Variants in HERC1 observed in about 807,000 individuals in gnomAD.
The protein encoded by HERC1 is probable E3 ubiquitin-protein ligase HERC1.
In HERC1, 160 loss-of-function variants were observed where a neutral mutation model predicts 554.3. The observed-to-expected ratio is 0.29, with a 90% CI of 0.25 to 0.33. The LOEUF (loss-of-function observed/expected upper bound fraction) is 0.33, where lower values mean the gene tolerates loss of function less well. Ranked by LOEUF, HERC1 falls within the 10% of genes least tolerant of loss-of-function variation. HERC1 has a pLI of 1.00. For missense variants in HERC1, 4,919 were observed against 5,918.5 expected, an observed-to-expected ratio of 0.83 and a Z score of 5.54; for synonymous variants, 2,175 against 2,131.7, an observed-to-expected ratio of 1.02 and a Z score of -0.56.
At chr15:63,809,869 A>T (rs1381139484) in intron 1 of HERC1, among the ~76,000 whole-genome samples, 2 of 152,152 alleles carry the variant, frequency 1.3e-5, no homozygotes, top group East Asian at 3.9e-4. Flanking sequence ...AAATAGAGAT[A>T]AGGTCTCACT....
At chr15:63,630,696 A>T in intron 68 of HERC1, 61 bp from the exon 69 acceptor site, 1 of 1,501,696 alleles carries the variant, frequency 6.7e-7, no homozygotes, top group South Asian at 1.3e-5. Context: ...CAGTGCTTTT[A>T]TATTTTCTGA....
intron 25 of HERC1, among the ~76,000 whole-genome samples, chr15:63,703,318 CACTGTCAA>C (rs1373205901): frequency 6.6e-6 from 1 of 152,156 alleles, no homozygotes. Flanking sequence ...TTAGTATCCC[CACTGTCAA>C]ATACTGAGAT....
chr15:63,733,145 T>G lies in HERC1; in HGVS notation c.2647A>C (p.Arg883=). The change falls in exon 14 of 78, where the codon AGA becomes CGA. Residue 883 remains arginine, a splice_region_variant and synonymous_variant. Transcript: ENST00000443617. ...DRWESLSKGQ[R]MQLDIILTSL... ...GTCAGGATGATATCCAGTTGCATTCTCTAAAGAACAATAAAATAGGAACAA... is the reference window on the plus strand; with the variant it reads ...GTCAGGATGATATCCAGTTGCATTCGCTAAAGAACAATAAAATAGGAACAA... The G allele has an allele frequency of 6.2e-7, 1 of 1,600,386 alleles. No homozygotes were observed.
intron 2 of HERC1, among the ~76,000 whole-genome samples, chr15:63,773,304 C>A (rs914546180): frequency 4.0e-5 from 6 of 151,668 alleles, no homozygotes; most frequent in Non-Finnish European, 5.9e-5. Flanking sequence ...ATTAGCCGGG[C>A]ATGCTAGTGC....
At chr15:63,654,420 G>T in intron 50 of HERC1, 96 bp from the exon 51 acceptor site, 1 of 946,368 alleles carries the variant, frequency 1.1e-6, no homozygotes, top group Non-Finnish European at 1.6e-6. Flanking sequence ...AGATTTGGTG[G>T]TGGTGAACAA....
rs1423344750 is a variant in HERC1 at position 63,666,449 on chromosome 15, G to A, written c.8230C>T (p.Leu2744Phe). 1 of 1,613,026 alleles carries A rather than the reference G, an allele frequency of 6.2e-7. No individual in the cohort carries two copies. The highest frequency in any genetic ancestry group is 1.7e-5 in the Admixed American group (1 of 59,900). Residue 2744 changes from leucine (L) to phenylalanine (F), a missense_variant, in exon 41 of 78, where the codon CTT (leucine) becomes TTT (phenylalanine). By Grantham distance (22) the Leu-to-Phe change is conservative (BLOSUM62 0). Around this residue, in one of 11 missense-constraint regions of HERC1, gnomAD observed 1,963 missense variants for 2,228.6 expected, o/e 0.88. Transcript: ENST00000443617. Reference sequence around the variant, plus strand: ...GCTGGAGGAGGAGGAGAAGTTGAAAGTCTACTGCTTGGGTCTGACAAGGCT... The same window carrying A: ...GCTGGAGGAGGAGGAGAAGTTGAAAATCTACTGCTTGGGTCTGACAAGGCT... ...RTALSDPSSR[L>F]STSPPPPAIA...
chr15:63,742,820 C>T (rs1481558401), intron 12 of HERC1, among the ~76,000 whole-genome samples: 2 of 152,078 alleles, frequency 1.3e-5, no homozygotes, highest in African/African-American at 4.8e-5. Context: ...TCATGGGGTA[C>T]AATCTTTTAG....
intron 6 of HERC1, 142 bp downstream of exon 6, chr15:63,755,087 A>G: frequency 1.6e-6 from 1 of 637,226 alleles, no homozygotes; most frequent in Non-Finnish European, 2.8e-6. Context: ...GGTCTTATCT[A>G]TATAAAATTA....
intron 36 of HERC1, among the ~76,000 whole-genome samples, chr15:63,679,210 A>G (rs2071353319): frequency 6.6e-6 from 1 of 152,226 alleles, no homozygotes; most frequent in Admixed American, 6.5e-5. Context: ...CTGCAAACCT[A>G]CATAGGGCAA....
In HERC1 at chr15:63,672,684, T is replaced by C; in HGVS notation, c.7857A>G (p.Gln2619=). The change falls in exon 39 of 78, where the codon CAA becomes CAG. Residue 2619 remains glutamine (Q), a synonymous_variant. Coordinates refer to ENST00000443617, the MANE Select transcript of HERC1 (RefSeq NM_003922.4). Reference sequence around the variant, plus strand: ...GGGCAGGGTCACTTTCTTCAGCTTGTTGATCAATCTCTAGAAACCAAAAAA... The same window carrying C: ...GGGCAGGGTCACTTTCTTCAGCTTGCTGATCAATCTCTAGAAACCAAAAAA... ...FGGKIKQEID[Q]QAEESDPAQQ... 3 of 1,601,764 alleles carry C rather than the reference T, an allele frequency of 1.9e-6. No homozygotes were observed. The highest frequency in any genetic ancestry group is 1.1e-5 in the South Asian group (1 of 88,884).
At chr15:63,695,451 T>G (rs937307750) in intron 27 of HERC1, among the ~76,000 whole-genome samples, 1 of 149,612 alleles carries the variant, frequency 6.7e-6, no homozygotes, top group Non-Finnish European at 1.5e-5. Context: ...AGTGGGGTGA[T>G]CTTCGCTCAC....
chr15:63,711,086 C>A (rs1297731136), intron 24 of HERC1, among the ~76,000 whole-genome samples: 2 of 152,178 alleles, frequency 1.3e-5, no homozygotes, highest in African/African-American at 4.8e-5. Flanking sequence ...GTAATCCCAA[C>A]ACTTTGGGAG....
chr15:63,743,842 A>ATTT (rs2074926871), intron 12 of HERC1, among the ~76,000 whole-genome samples: 1 of 152,106 alleles, frequency 6.6e-6, no homozygotes, highest in Non-Finnish European at 1.5e-5. Flanking sequence ...TCATTTGGTT[A>ATTT]GGTCATGGAT....
At chr15:63,762,717 TAGAA>T (rs1158768369) in intron 3 of HERC1, among the ~76,000 whole-genome samples, 1 of 152,172 alleles carries the variant, frequency 6.6e-6, no homozygotes, top group South Asian at 2.1e-4. Context: ...AAAGAGCAGA[TAGAA>T]AGAATCAAGC....
At chr15:63,716,150 C>A (rs576420751) in intron 22 of HERC1, among the ~76,000 whole-genome samples, 152 bp downstream of exon 22, 1 of 152,232 alleles carries the variant, frequency 6.6e-6, no homozygotes, top group African/African-American at 2.4e-5. Flanking sequence ...TTGTAGGAGC[C>A]CCTGTCAGCT....
chr15:63,655,210 C>T (rs530644237), intron 50 of HERC1, among the ~76,000 whole-genome samples: 2 of 151,372 alleles, frequency 1.3e-5, no homozygotes, highest in East Asian at 2.0e-4. Flanking sequence ...AAAAATTAGC[C>T]GGGCATGGTG....
chr15:63,739,604 C>T (rs772341461), intron 12 of HERC1, among the ~76,000 whole-genome samples: 8 of 151,760 alleles, frequency 5.3e-5, no homozygotes, highest in African/African-American at 1.2e-4. Flanking sequence ...TTTGGGAGGT[C>T]GAGGCAGGCA....
chr15:63,610,045 C>A (rs1291196846), intron 77 of HERC1, among the ~76,000 whole-genome samples: 1 of 152,130 alleles, frequency 6.6e-6, no homozygotes, highest in African/African-American at 2.4e-5. Flanking sequence ...TTCCCTATCC[C>A]TCCTTGCAAA....
intron 74 of HERC1, among the ~76,000 whole-genome samples, chr15:63,621,173 T>C (rs1248246287): frequency 6.6e-6 from 1 of 152,276 alleles, no homozygotes; most frequent in Admixed American, 6.5e-5. Flanking sequence ...TCAGGAGCTC[T>C]TTTAGGGCAG....
Sources: allele counts gnomAD v4.1 joint callset (sites outside exome capture counted in the v4.1 genomes callset), GRCh38; gene constraint gnomAD v4.1.1; regional missense constraint gnomAD v4.1.1; transcripts MANE v1.5; gene names NCBI Gene and HGNC (gene_info 2026-07-23, HGNC 2026-07-21).